ARID1A: variants seen among roughly 807,000 people sequenced by gnomAD.
ARID1A encodes AT-rich interaction domain 1A.
In ARID1A, 20 loss-of-function variants were observed where a neutral mutation model predicts 212.6. The ratio of observed to expected loss-of-function variants is 0.09; its 90% CI spans 0.07 to 0.14. The LOEUF is 0.14. Ranked by LOEUF, ARID1A falls within the 10% of genes least tolerant of loss-of-function variation. The probability of loss-of-function intolerance (pLI) is 1.00; values close to 1 mark genes in which losing one functional copy is unlikely to be tolerated. For missense variants in ARID1A, 2,587 were observed against 3,059.0 expected (o/e 0.85, Z 3.64); for synonymous variants, 1,376 against 1,222.1 (o/e 1.13, Z -2.63).
At chr1:26,758,646 A>C (rs983715521) in intron 4 of ARID1A, among the ~76,000 whole-genome samples, 7 of 151,702 alleles carry the variant, frequency 4.6e-5, no homozygotes, top group Non-Finnish European at 8.8e-5. Context: ...GAAGAAGAAG[A>C]ACCAAGGATG....
intron 1 of ARID1A, among the ~76,000 whole-genome samples, chr1:26,722,942 C>T (rs2080579575): frequency 6.6e-6 from 1 of 152,098 alleles, no homozygotes; most frequent in African/African-American, 2.4e-5. Flanking sequence ...CTATTTAAAA[C>T]AAGATGAAGG....
At position 26,697,145 on chromosome 1, in the gene ARID1A, G is replaced by T; in HGVS notation, c.742G>T (p.Gly248Cys). 2.1e-6 allele frequency: 3 copies of T among 1,438,050 alleles called. No homozygotes were observed. The highest frequency in any genetic ancestry group is 2.7e-6 in the Non-Finnish European group (3 of 1,098,850). The allele number at this position is 1,438,050 out of a possible 1,614,324, so 89.1% of individuals were successfully genotyped here. A position where few individuals can be genotyped will look rare whatever the true frequency, so the allele number is the denominator to read the frequency against. Residue 248 changes from glycine to cysteine, a missense_variant, in exon 1 of 20, where the codon GGC becomes TGC. This residue lies in a region of ARID1A where 735 missense variants were observed against 590.6 expected (regional missense o/e 1.24). Transcript: ENST00000324856. ...GGGCTCCGGCGCGGCGGCGGCTGCCGGCTCCAAGCCGCCTCCCTCCTCCAG... is the reference window on the plus strand; with the variant it reads ...GGGCTCCGGCGCGGCGGCGGCTGCCTGCTCCAAGCCGCCTCCCTCCTCCAG... ...TPGSGAAAAA[G>C]SKPPPSSSAS...
At chr1:26,719,257 G>A (rs2080536678) in intron 1 of ARID1A, among the ~76,000 whole-genome samples, 1 of 152,172 alleles carries the variant, frequency 6.6e-6, no homozygotes, top group Non-Finnish European at 1.5e-5. Context: ...AATAAGTAAA[G>A]CATTAGTATG....
intron 1 of ARID1A, among the ~76,000 whole-genome samples, chr1:26,719,735 G>A (rs1254350724): frequency 6.6e-6 from 1 of 150,902 alleles, no homozygotes; most frequent in Non-Finnish European, 1.5e-5. Context: ...GAGGTCAGGA[G>A]TTGGAGACCA....
intron 8 of ARID1A, 81 bp from the exon 9 acceptor site, chr1:26,766,140 A>G: frequency 1.3e-6 from 2 of 1,483,308 alleles, no homozygotes; most frequent in African/African-American, 2.8e-5. Flanking sequence ...AGATGATCAC[A>G]CAGCACTATT....
chr1:26,775,142 A>G lies in ARID1A; in HGVS notation c.4915A>G (p.Ile1639Val). 2 of 1,613,822 alleles carry G rather than the reference A, an allele frequency of 1.2e-6. No individual in the cohort carries two copies. Among genetic ancestry groups the G allele is most frequent in the East Asian group, 2.2e-5 (1 of 44,870 alleles). ...GCAGCCCCCCATGATTCGGCGGGAT[A>G]TCACCTTCCCACCTGGCTCTGTTGA... ...PVQPPMIRRDITFPPGSVEAT... is the reference protein window; with the variant it reads ...PVQPPMIRRDVTFPPGSVEAT... Residue 1639 changes from isoleucine (I) to valine (V), a missense_variant, in exon 18 of 20, where the codon ATC becomes GTC. This residue lies in a region of ARID1A where 890 missense variants were observed against 1,098.2 expected (regional missense o/e 0.81). Coordinates refer to ENST00000324856, the MANE Select transcript of ARID1A (RefSeq NM_006015.6).
chr1:26,722,908 C>T (rs1378139796), intron 1 of ARID1A, among the ~76,000 whole-genome samples: 1 of 152,070 alleles, frequency 6.6e-6, no homozygotes, highest in South Asian at 2.1e-4. Flanking sequence ...TGTCCTAGGT[C>T]ATATAAAAAG....
chr1:26,714,343 C>T (rs1477863028), intron 1 of ARID1A, among the ~76,000 whole-genome samples: 1 of 152,158 alleles, frequency 6.6e-6, no homozygotes, highest in Non-Finnish European at 1.5e-5. Context: ...TCTGGTTTTC[C>T]ATCCAGGGAA....
intron 12 of ARID1A, 199 bp from the exon 13 acceptor site, chr1:26,772,301 C>T: frequency 1.4e-6 from 1 of 732,020 alleles, no homozygotes. Context: ...ACACGTAAAA[C>T]AAAAACAAAG....
In ARID1A at chr1:26,730,449, TTGAG is replaced by T. The variant is rs558346447; in HGVS notation, c.1350+590_1350+593del. ...TGACAAAGTTTTCTATCATTTATCT[TTGAG>T]TGATACTCATACTGAAAATAGGGAG... On this transcript the variant is annotated intron_variant, in intron 2 of 19. Coordinates refer to ENST00000324856, the MANE Select transcript of ARID1A (RefSeq NM_006015.6). Among the ~76,000 whole-genome samples, 6 of 152,358 alleles carry T rather than the reference TTGAG, an allele frequency of 3.9e-5. No homozygotes were observed. The South Asian group carries it at 6.2e-4, about 16-fold the overall frequency.
rs35428899 is a variant in ARID1A at position 26,773,752 on chromosome 1, C to T, written c.4004+35C>T. 0.028 allele frequency: 45,721 copies of T among 1,614,154 alleles called. 801 individuals carry two copies. Among genetic ancestry groups the T allele is most frequent in the Non-Finnish European group, 0.035 (41,084 of 1,180,002 alleles). ...GCCTGGTCTCGGTGCTGCTATGGAT[C>T]AGGCTTCGCCACTGCCCACCCTAAT... On this transcript the variant is annotated intron_variant, in intron 16 of 19. Coordinates refer to ENST00000324856, the MANE Select transcript of ARID1A (RefSeq NM_006015.6).
intron 3 of ARID1A, 148 bp from the exon 4 acceptor site, chr1:26,732,528 G>A (rs1490909534): frequency 3.5e-6 from 2 of 578,430 alleles, no homozygotes; most frequent in African/African-American, 1.9e-5. Context: ...GTCACAGCTT[G>A]GATTTTTCTG....
rs1194543672 is a variant in ARID1A, at chr1:26,696,383, G to A, written c.-21G>A. ...GACGAAGACAGGGCCGGGTCTCTCCGCGGACGAGACAGCGGGGATCATGGC... is the reference window on the plus strand; with the variant it reads ...GACGAAGACAGGGCCGGGTCTCTCCACGGACGAGACAGCGGGGATCATGGC... On this transcript the variant is annotated 5_prime_UTR_variant, in exon 1 of 20. Transcript: ENST00000324856. The A allele has an allele frequency of 5.6e-6, 7 of 1,251,036 alleles. No homozygotes were observed. The highest frequency in any genetic ancestry group is 2.8e-5 in the South Asian group (1 of 35,658). 77.5% of individuals were successfully genotyped at this position (1,251,036 alleles called of 1,614,324 possible).
Position 26,780,579 on chromosome 1 carries a change from T to C in ARID1A, c.6681T>C (p.Ser2227=). ...AGAACCCACCCTTTGAGCCAACTAG[T>C]GTGGACATGATGCGGCGGGCTGCCC... ...HMQNPPFEPT[S]VDMMRRAARA... Residue 2227 remains serine, a synonymous_variant, in exon 20 of 20, where the codon AGT becomes AGC. Transcript: ENST00000324856. This position sits in a 1 kb window ranked among gnomAD's most constrained non-coding sequence, Gnocchi z 7.2. 1.2e-6 allele frequency: 2 copies of C among 1,614,098 alleles called. No individual in the cohort carries two copies. The highest frequency in any genetic ancestry group is 2.2e-5 in the South Asian group (2 of 91,084).
Position 26,774,126 on chromosome 1 carries a change from T to C in ARID1A, c.4102-203T>C. Reference sequence around the variant, plus strand: ...TATTTTGATTTTTAGGTTTTGTATATTTTTCTACTTAAGCAAGGGAAGGGA... The same window carrying C: ...TATTTTGATTTTTAGGTTTTGTATACTTTTCTACTTAAGCAAGGGAAGGGA... On this transcript the variant is annotated intron_variant, in intron 17 of 19. Coordinates refer to ENST00000324856, the MANE Select transcript of ARID1A (RefSeq NM_006015.6). This position sits in a 1 kb window ranked among gnomAD's most constrained non-coding sequence, Gnocchi z 5.6. The C allele has an allele frequency of 8.5e-7, 1 of 1,180,168 alleles. No homozygotes were observed. Among genetic ancestry groups the C allele is most frequent in the Non-Finnish European group, 1.2e-6 (1 of 866,254 alleles). The allele number at this position is 1,180,168 out of a possible 1,614,324, so 73.1% of individuals were successfully genotyped here.
chr1:26,758,610 A>G (rs1162282827), intron 4 of ARID1A, among the ~76,000 whole-genome samples: 1 of 148,648 alleles, frequency 6.7e-6, no homozygotes, highest in African/African-American at 2.5e-5. Flanking sequence ...ACAGAGTGAG[A>G]CCCTGTCTCA....
Position 26,697,482 on chromosome 1 carries a change from C to A in ARID1A, c.1079C>A (p.Ala360Glu). The A allele has an allele frequency of 7.1e-7, 1 of 1,401,678 alleles. No individual in the cohort carries two copies. The highest frequency in any genetic ancestry group is 1.5e-5 in the South Asian group (1 of 65,066). 86.8% of individuals were successfully genotyped at this position (1,401,678 alleles called of 1,614,324 possible). Residue 360 changes from alanine to glutamate, a missense_variant, in exon 1 of 20, where the codon GCG (alanine) becomes GAG (glutamate). This residue lies in a region of ARID1A where 735 missense variants were observed against 590.6 expected (regional missense o/e 1.24). Coordinates refer to ENST00000324856, the MANE Select transcript of ARID1A (RefSeq NM_006015.6). ...SGGAQQRSHH[A>E]PMSPGSSGGG... ...GGGGCCCAACAAAGGAGCCACCACG[C>A]GCCCATGAGCCCCGGGAGCAGCGGC...
In ARID1A at chr1:26,774,531, A is replaced by G. The variant is rs369118235; in HGVS notation, c.4304A>G (p.Tyr1435Cys). 7.0e-5 allele frequency: 113 copies of G among 1,614,114 alleles called. No individual in the cohort carries two copies. The highest frequency in any genetic ancestry group is 6.1e-4 in the African/African-American group (46 of 75,034). Residue 1435 changes from tyrosine (Y) to cysteine (C), a missense_variant, in exon 18 of 20, where the codon TAT (tyrosine) becomes TGT (cysteine). This residue lies in a region of ARID1A where 890 missense variants were observed against 1,098.2 expected (regional missense o/e 0.81). Transcript: ENST00000324856. The surrounding 1 kb of genome is among the most constrained non-coding windows in gnomAD (Gnocchi z 5.6). The stretch of plus-strand genomic sequence containing the variant: ...GTATACAACCAGTATGGCAATGCCT[A>G]TCCTGCCACTGCCACAGCTGCTACT... ...QDVYNQYGNA[Y>C]PATATAATER...
Position 26,773,580 on chromosome 1 carries a change from G to A in ARID1A, c.3867G>A (p.Arg1289=), listed in dbSNP as rs2124112413. 1 of 1,614,190 alleles carries A rather than the reference G, an allele frequency of 6.2e-7. No individual in the cohort carries two copies. The highest frequency in any genetic ancestry group is 8.5e-7 in the Non-Finnish European group (1 of 1,180,032). ...AATCTGCCTCTCCAATTTTGTTTAG[G>A]ACGGAGCCTGGAATAGGGCCTGAGG... The part of the protein sequence containing the change: ...YPYGGPYDRV[R]TEPGIGPEGN... The change falls in exon 16 of 20, where the codon AGG becomes AGA. Residue 1289 remains arginine (R), a splice_region_variant and synonymous_variant. Coordinates refer to ENST00000324856, the MANE Select transcript of ARID1A (RefSeq NM_006015.6).
Sources: allele counts gnomAD v4.1 joint callset (sites outside exome capture counted in the v4.1 genomes callset), GRCh38; gene constraint gnomAD v4.1.1; regional missense constraint gnomAD v4.1.1; non-coding constraint Gnocchi (gnomAD v3.1); transcripts MANE v1.5; gene names NCBI Gene and HGNC (gene_info 2026-07-23, HGNC 2026-07-21).